Variants in CDKL5 observed in about 807,000 individuals in gnomAD.
The protein encoded by CDKL5 is cyclin dependent kinase like 5.
CDKL5 carries 8 observed loss-of-function variants against 61.7 expected under a neutral mutation model. The observed-to-expected ratio is 0.13, with a 90% CI of 0.08 to 0.23. The LOEUF (loss-of-function observed/expected upper bound fraction) is 0.23, where lower values mean the gene tolerates loss of function less well. Among genes scored for constraint, CDKL5 ranks in the 10% least tolerant of loss-of-function variants. The probability of loss-of-function intolerance (pLI) is 1.00; values close to 1 mark genes in which losing one functional copy is unlikely to be tolerated. For missense variants in CDKL5, 440 were observed against 734.5 expected, an observed-to-expected ratio of 0.60 and a Z score of 4.63; for synonymous variants, 275 against 272.3, an observed-to-expected ratio of 1.01 and a Z score of -0.10.
chrX:18,616,691 G>A (rs931815298), intron 15 of CDKL5, among the ~76,000 whole-genome samples: 2 of 111,177 alleles, frequency 1.8e-5, no homozygotes, highest in African/African-American at 3.3e-5. Flanking sequence ...CACAATTCCA[G>A]CCTTCTTTTT....
chrX:18,630,460 C>T lies in CDKL5; in HGVS notation c.*1703C>T, dbSNP rs1050858599. On this transcript the variant is annotated 3_prime_UTR_variant, in exon 18 of 18. Transcript: ENST00000623535. ...AGTATTTATTACTTGTCCTCAAATT[C>T]TGAGTGTCAGCCCCTGCATCAAGTC... 6.7e-6 allele frequency: 5 copies of T among 750,574 alleles called. No homozygotes were observed. In the African/African-American group the frequency reaches 1.2e-4, roughly 18 times the overall value. The allele number at this position is 750,574 out of a possible 1,213,427, so 61.9% of individuals were successfully genotyped here.
intron 7 of CDKL5, among the ~76,000 whole-genome samples, chrX:18,583,387 T>TA: frequency 8.9e-6 from 1 of 111,771 alleles, no homozygotes; most frequent in Middle Eastern, 4.6e-3. Flanking sequence ...CATTCAAAAA[T>TA]ACAAATATTT....
At chrX:18,506,087 T>A (rs766801420) in intron 1 of CDKL5, among the ~76,000 whole-genome samples, 42 of 113,009 alleles carry the variant, frequency 3.7e-4, no homozygotes, top group African/African-American at 1.3e-3. Flanking sequence ...CTTATTTACT[T>A]TGTTGCTCAA....
intron 1 of CDKL5, among the ~76,000 whole-genome samples, chrX:18,440,419 A>G (rs1395448693): frequency 5.4e-5 from 6 of 111,734 alleles, no homozygotes; most frequent in African/African-American, 1.9e-4. Flanking sequence ...TGGCCTCCCA[A>G]AGTGGTAGGA....
Position 18,647,299 on chromosome X carries a change from G to C in CDKL5, c.2797+1209G>C, listed in dbSNP as rs1927823203. On this transcript the variant is annotated intron_variant, in intron 20 of 21. Transcript: ENST00000379989. Reference sequence around the variant, plus strand: ...GATCTGGTCCGGTGTGACCTCCCCTGACTCGAAACCCAGAGGCTTGTGATA... The same window carrying C: ...GATCTGGTCCGGTGTGACCTCCCCTCACTCGAAACCCAGAGGCTTGTGATA... 8.3e-7 allele frequency: 1 copy of C among 1,211,035 alleles called. No individual in the cohort carries two copies. Among genetic ancestry groups the C allele is most frequent in the Non-Finnish European group, 1.1e-6 (1 of 895,208 alleles).
intron 2 of CDKL5, among the ~76,000 whole-genome samples, chrX:18,509,203 A>ACG (rs1227436973): frequency 5.9e-4 from 46 of 78,004 alleles, no homozygotes; most frequent in African/African-American, 2.1e-3. Context: ...ACACGCACAC[A>ACG]CACACACACA....
intron 1 of CDKL5, among the ~76,000 whole-genome samples, chrX:18,489,120 A>G (rs1423797439): frequency 1.8e-5 from 2 of 110,103 alleles, no homozygotes; most frequent in Non-Finnish European, 3.8e-5. Context: ...GCACCTTTTT[A>G]AGTCTGTTTT....
chrX:18,554,662 C>T (rs1485010078), intron 3 of CDKL5, among the ~76,000 whole-genome samples: 3 of 110,599 alleles, frequency 2.7e-5, no homozygotes, highest in East Asian at 2.8e-4. Context: ...GTGATCCGTC[C>T]GCTTCGGCCT....
intron 11 of CDKL5, among the ~76,000 whole-genome samples, chrX:18,602,344 T>C (rs771716199): frequency 2.7e-5 from 3 of 112,508 alleles, no homozygotes; most frequent in Non-Finnish European, 5.6e-5. Context: ...AAGATATAAG[T>C]TGGCAAACAA....
intron 1 of CDKL5, among the ~76,000 whole-genome samples, chrX:18,484,978 A>T (rs1340567206): frequency 9.0e-6 from 1 of 110,995 alleles, no homozygotes; most frequent in Non-Finnish European, 1.9e-5. Flanking sequence ...ATAATAAATA[A>T]CAACTAAGAC....
chrX:18,596,960 A>G (rs923540128), intron 10 of CDKL5, among the ~76,000 whole-genome samples: 1 of 111,920 alleles, frequency 8.9e-6, no homozygotes, highest in Non-Finnish European at 1.9e-5. Flanking sequence ...CTTTAAGTAA[A>G]TATTTTTATT....
At chrX:18,595,294 GCA>G in intron 9 of CDKL5, 52 bp from the exon 10 acceptor site, 1 of 833,261 alleles carries the variant, frequency 1.2e-6, no homozygotes, top group South Asian at 2.0e-5. Flanking sequence ...ACAAGCACGT[GCA>G]CACACATGTC....
intron 4 of CDKL5, among the ~76,000 whole-genome samples, chrX:18,572,176 A>T (rs917947634): frequency 9.0e-6 from 1 of 111,598 alleles, no homozygotes; most frequent in African/African-American, 3.3e-5. Context: ...TACTGATGAA[A>T]AGTTAAGTGG....
intron 3 of CDKL5, among the ~76,000 whole-genome samples, chrX:18,524,499 G>A: frequency 8.9e-6 from 1 of 112,141 alleles, no homozygotes. Flanking sequence ...GCCATTTTCA[G>A]TGCTAACACT....
chrX:18,505,383 G>A (rs895116175), intron 1 of CDKL5, among the ~76,000 whole-genome samples: 1 of 111,931 alleles, frequency 8.9e-6, no homozygotes, highest in African/African-American at 3.2e-5. Flanking sequence ...TATAATCTGT[G>A]AACATTTGAA....
rs759074307 is a variant in CDKL5, at chrX:18,442,711, A to G, written c.-163+17016A>G. On this transcript the variant is annotated intron_variant, in intron 1 of 17. Coordinates refer to ENST00000623535, the MANE Select transcript of CDKL5 (RefSeq NM_001323289.2). ...GGGTTTCACCATGTTAGCCAGGATG[A>G]TCTCAATCTCTTGACCTCGTGATCC... Among the ~76,000 whole-genome samples the G allele has an allele frequency of 5.1e-3, 561 of 110,648 alleles. 2 individuals carry two copies. The highest frequency in any genetic ancestry group is 8.4e-3 in the Non-Finnish European group (443 of 52,847).
rs1219068094 is a variant in CDKL5, at chrX:18,633,783, A to G, written c.*5026A>G. On this transcript the variant is annotated 3_prime_UTR_variant, in exon 18 of 18. Coordinates refer to ENST00000623535, the MANE Select transcript of CDKL5 (RefSeq NM_001323289.2). The stretch of plus-strand genomic sequence containing the variant: ...GTTACTACATGAATCTTCATTTCCC[A>G]CAGTGGTTTGTTCATTCATCAGCGT... 4.0e-6 allele frequency: 3 copies of G among 752,922 alleles called. No homozygotes were observed. The highest frequency in any genetic ancestry group is 4.7e-6 in the Non-Finnish European group (3 of 638,948). The allele number at this position is 752,922 out of a possible 1,213,427, so 62.0% of individuals were successfully genotyped here.
intron 3 of CDKL5, among the ~76,000 whole-genome samples, chrX:18,530,662 A>T (rs1923612003): frequency 8.9e-6 from 1 of 111,746 alleles, no homozygotes; most frequent in African/African-American, 3.3e-5. Flanking sequence ...GCCATATCTG[A>T]GTCTGGTTCT....
intron 1 of CDKL5, among the ~76,000 whole-genome samples, chrX:18,488,246 G>A (rs1813317500): frequency 9.0e-6 from 1 of 111,453 alleles, no homozygotes; most frequent in Non-Finnish European, 1.9e-5. Context: ...ATCAAGAGCA[G>A]TGTAGACGTT....
Sources: allele counts gnomAD v4.1 joint callset (sites outside exome capture counted in the v4.1 genomes callset), GRCh38; gene constraint gnomAD v4.1.1; transcripts MANE v1.5; gene names NCBI Gene and HGNC (gene_info 2026-07-23, HGNC 2026-07-21).